C2CD5: variants seen among roughly 807,000 people sequenced by gnomAD.
C2CD5 encodes the protein C2 domain-containing protein 5.
Under a neutral mutation model 130.3 loss-of-function variants are expected in C2CD5, and 109 were observed. That is an observed-to-expected ratio of 0.84 (90% CI 0.72 to 0.98). C2CD5 has a LOEUF of 0.98. Among genes scored for constraint, C2CD5 ranks in the 50% least tolerant of loss-of-function variants. The pLI is 0.00. For synonymous variants in C2CD5, 454 were observed against 429.2 expected (o/e 1.06, Z -0.71); for missense variants, 996 against 1,261.8 (o/e 0.79, Z 3.19).
At chr12:22,520,473 C>T (rs900346772) in intron 7 of C2CD5, among the ~76,000 whole-genome samples, 1 of 152,080 alleles carries the variant, frequency 6.6e-6, no homozygotes, top group African/African-American at 2.4e-5. Flanking sequence ...AATAGGAGAA[C>T]TGTTTCTACG....
intron 22 of C2CD5, among the ~76,000 whole-genome samples, chr12:22,466,423 CAG>C (rs535575592): frequency 8.5e-4 from 130 of 152,056 alleles, no homozygotes; most frequent in Admixed American, 2.4e-3. Context: ...TTTAAAAAAA[CAG>C]AGAAATCTTT....
At chr12:22,513,408 C>A (rs776855315) in intron 8 of C2CD5, 29 bp from the exon 9 acceptor site, 2 of 1,423,360 alleles carry the variant, frequency 1.4e-6, no homozygotes, top group Non-Finnish European at 2.0e-6. Flanking sequence ...TAAATAACAA[C>A]CAAAAAAGCA....
rs377488921 is a variant in C2CD5, at chr12:22,487,163, A to C, written c.1359-2275T>G. 3.2e-4 allele frequency among the ~76,000 whole-genome samples: 48 copies of C among 152,288 alleles called. 2 individuals carry two copies. The highest frequency in any genetic ancestry group is 1.1e-3 in the African/African-American group (47 of 41,558). On this transcript the variant is annotated intron_variant, in intron 12 of 26. Coordinates refer to ENST00000446597, the MANE Select transcript of C2CD5 (RefSeq NM_001286176.2). ...GGCATGGACAAGGACTTCATGTCTA[A>C]AACACCAAAAGCAATGGCAACAAAA...
At chr12:22,452,203 G>T (rs1938780455) in intron 26 of C2CD5, among the ~76,000 whole-genome samples, 2 of 152,142 alleles carry the variant, frequency 1.3e-5, no homozygotes, top group Admixed American at 1.3e-4. Flanking sequence ...TTATTACAAA[G>T]AAGTATCCAG....
At chr12:22,478,499 A>G in intron 14 of C2CD5, 22 bp from the exon 15 acceptor site, 1 of 1,598,156 alleles carries the variant, frequency 6.3e-7, no homozygotes. Context: ...TAATGGGGAA[A>G]TAATCAGAAA....
At chr12:22,514,383 C>G (rs1446839425) in intron 8 of C2CD5, among the ~76,000 whole-genome samples, 1 of 152,034 alleles carries the variant, frequency 6.6e-6, no homozygotes, top group Non-Finnish European at 1.5e-5. Flanking sequence ...GTAATCTGAA[C>G]ATTATTTTTA....
chr12:22,454,924 T>C (rs1318072628), intron 25 of C2CD5, among the ~76,000 whole-genome samples: 1 of 152,160 alleles, frequency 6.6e-6, no homozygotes, highest in Non-Finnish European at 1.5e-5. Context: ...TTCAGGGTAC[T>C]TTTCCCATAT....
chr12:22,475,030 C>G (rs1279030935), intron 15 of C2CD5, 139 bp from the exon 16 acceptor site: 1 of 489,190 alleles, frequency 2.0e-6, no homozygotes, highest in South Asian at 4.9e-5. Context: ...TTAAGTATAA[C>G]CTTTAAAACT....
chr12:22,505,233 C>T (rs1948338020), intron 10 of C2CD5, among the ~76,000 whole-genome samples: 2 of 150,530 alleles, frequency 1.3e-5, no homozygotes, highest in Non-Finnish European at 3.0e-5. Flanking sequence ...AACTTCAAAG[C>T]ATTTTTACCC....
chr12:22,464,340 T>A (rs180851882), intron 22 of C2CD5, among the ~76,000 whole-genome samples: 4 of 152,310 alleles, frequency 2.6e-5, no homozygotes, highest in Admixed American at 2.0e-4. Flanking sequence ...ATTTTCCTGC[T>A]TCCATTTCCA....
At chr12:22,475,089 AAT>A (rs1373918544) in intron 15 of C2CD5, among the ~76,000 whole-genome samples, 198 bp from the exon 16 acceptor site, 1 of 152,114 alleles carries the variant, frequency 6.6e-6, no homozygotes. Flanking sequence ...GAATCAGAAA[AAT>A]ATATATAACT....
chr12:22,494,204 T>C (rs952334142), intron 10 of C2CD5, among the ~76,000 whole-genome samples: 6 of 152,040 alleles, frequency 3.9e-5, no homozygotes, highest in Non-Finnish European at 7.4e-5. Flanking sequence ...AGAAAGTCTA[T>C]AATTAGCATA....
chr12:22,538,485 T>C (rs1351223157), intron 2 of C2CD5, among the ~76,000 whole-genome samples: 1 of 152,146 alleles, frequency 6.6e-6, no homozygotes, highest in African/African-American at 2.4e-5. Context: ...GAGAGTAGTC[T>C]TACCCAGAGG....
chr12:22,483,768 T>C (rs1945063641), intron 13 of C2CD5, among the ~76,000 whole-genome samples: 1 of 152,110 alleles, frequency 6.6e-6, no homozygotes, highest in Admixed American at 6.5e-5. Flanking sequence ...TGCCAAAGAA[T>C]ACCAAATTTG....
chr12:22,469,644 TGAA>T (rs956578275), intron 22 of C2CD5, 62 bp downstream of exon 22: 33 of 886,160 alleles, frequency 3.7e-5, no homozygotes, highest in Middle Eastern at 2.3e-4. Context: ...TTTCCTATAA[TGAA>T]GAAGCAGTGA....
chr12:22,482,467 A>C, intron 14 of C2CD5, 90 bp downstream of exon 14: 1 of 1,092,980 alleles, frequency 9.1e-7, no homozygotes, highest in Admixed American at 2.3e-5. Context: ...TCTTTAGATA[A>C]GCCTTTGAAA....
chr12:22,525,507 C>CA, intron 5 of C2CD5, 103 bp downstream of exon 5: 1 of 734,274 alleles, frequency 1.4e-6, no homozygotes, highest in Non-Finnish European at 2.4e-6. Flanking sequence ...GCATTAAAAC[C>CA]AAGTACAATA....
chr12:22,540,157 A>G (rs553821445), intron 2 of C2CD5, among the ~76,000 whole-genome samples: 1 of 152,316 alleles, frequency 6.6e-6, no homozygotes, highest in Non-Finnish European at 1.5e-5. Context: ...ATTTTGAAAA[A>G]TCAGATAACC....
chr12:22,534,022 C>G lies in C2CD5; in HGVS notation c.177+1236G>C, dbSNP rs370011934. Among the ~76,000 whole-genome samples the G allele has an allele frequency of 5.2e-4, 79 of 152,268 alleles. 1 individual carries two copies. Among genetic ancestry groups the G allele is most frequent in the African/African-American group, 1.8e-3 (76 of 41,562 alleles). On this transcript the variant is annotated intron_variant, in intron 3 of 26. Coordinates refer to ENST00000446597, the MANE Select transcript of C2CD5 (RefSeq NM_001286176.2). ...CCAACAGGGCAAAACCCCATCTCTA[C>G]TAAAAATACAAAAAAATTAGCCAGG...
Sources: gnomAD v4.1 joint callset for allele counts (sites outside exome capture counted in the v4.1 genomes callset) on GRCh38, gnomAD v4.1.1 for gene constraint, MANE v1.5 for transcripts, NCBI Gene and HGNC (gene_info 2026-07-23, HGNC 2026-07-21) for gene names.